The following LTN1 variants were observed in gnomAD, a reference collection of about 807,000 sequenced individuals.
LTN1 encodes the protein E3 ubiquitin-protein ligase listerin.
LTN1 carries 88 observed loss-of-function variants against 201.2 expected under a neutral mutation model. The observed-to-expected ratio is 0.44, with a 90% CI of 0.37 to 0.52. LTN1 has a LOEUF of 0.52. LTN1 is among the 20% of genes least tolerant of loss of function. The pLI is 0.00. For synonymous variants in LTN1, 645 were observed against 713.5 expected (o/e 0.90, Z 1.53); for missense variants, 1,752 against 2,038.7 (o/e 0.86, Z 2.71).
intron 5 of LTN1, among the ~76,000 whole-genome samples, chr21:28,981,695 C>T (rs1018117156): frequency 6.6e-6 from 1 of 152,152 alleles, no homozygotes; most frequent in Admixed American, 6.5e-5. Flanking sequence ...TATTTATATT[C>T]TTCAACTATG....
At chr21:28,954,820 G>A (rs1399597043) in intron 16 of LTN1, among the ~76,000 whole-genome samples, 2 of 152,100 alleles carry the variant, frequency 1.3e-5, no homozygotes, top group African/African-American at 4.8e-5. Flanking sequence ...CCTAAGAACT[G>A]AAACTATATA....
In LTN1 at chr21:28,986,659, A is replaced by G; in HGVS notation, c.246+72T>C. The G allele has an allele frequency of 8.4e-7, 1 of 1,192,108 alleles. No individual in the cohort carries two copies. The highest frequency in any genetic ancestry group is 1.2e-6 in the Non-Finnish European group (1 of 818,428). The allele number at this position is 1,192,108 out of a possible 1,614,324, so 73.8% of individuals were successfully genotyped here. Reference sequence around the variant, plus strand: ...TAAATTGTTCATTTTTCTTTACATAAAACATGCTAATGACATTTTATTTTA... The same window carrying G: ...TAAATTGTTCATTTTTCTTTACATAGAACATGCTAATGACATTTTATTTTA... On this transcript the variant is annotated intron_variant, in intron 2 of 29. Transcript: ENST00000361371. The surrounding 1 kb of genome is among the most constrained non-coding windows in gnomAD (Gnocchi z 4.1).
intron 11 of LTN1, 64 bp from the exon 12 acceptor site, chr21:28,960,770 T>G: frequency 9.0e-7 from 1 of 1,110,538 alleles, no homozygotes; most frequent in African/African-American, 1.6e-5. Context: ...GTCCAAAATA[T>G]TACTTGTACC....
At chr21:28,977,494 G>A (rs1420332531) in intron 6 of LTN1, among the ~76,000 whole-genome samples, 7 of 150,412 alleles carry the variant, frequency 4.7e-5, no homozygotes, top group Admixed American at 2.6e-4. Context: ...AGGCTGAGGC[G>A]GGCAGATCAC....
rs2084424140 is a variant in LTN1 at position 28,956,162 on chromosome 21, T to TCTCTC, written c.3079+599_3079+600insGAGAG. On this transcript the variant is annotated intron_variant, in intron 16 of 29. Transcript: ENST00000361371. Reference sequence around the variant, plus strand: ...GGATGAAGAGAGGTCGGTGAATGGGTACCAAAATACAGTGAGAGAGAAGAT... The same window carrying TCTCTC: ...GGATGAAGAGAGGTCGGTGAATGGGTCTCTCACCAAAATACAGTGAGAGAGAAGAT... 4.6e-5 allele frequency among the ~76,000 whole-genome samples: 7 copies of TCTCTC among 152,022 alleles called. No individual in the cohort carries two copies. The South Asian group carries it at 1.5e-3, about 32-fold the overall frequency.
At chr21:28,935,982 G>A (rs988589878) in intron 26 of LTN1, among the ~76,000 whole-genome samples, 1 of 152,142 alleles carries the variant, frequency 6.6e-6, no homozygotes, top group African/African-American at 2.4e-5. Context: ...GATGCTTGCT[G>A]TTATAAATTA....
At chr21:28,938,586 G>A (rs2084274286) in intron 25 of LTN1, among the ~76,000 whole-genome samples, 1 of 151,966 alleles carries the variant, frequency 6.6e-6, no homozygotes, top group Non-Finnish European at 1.5e-5. Flanking sequence ...CAACACAAGT[G>A]AAAACATATT....
chr21:28,947,334 C>A (rs1387452787), intron 19 of LTN1, 130 bp downstream of exon 19: 1 of 703,294 alleles, frequency 1.4e-6, no homozygotes, highest in Non-Finnish European at 2.2e-6. Context: ...CAACACTCAT[C>A]CATATAATCT....
At chr21:28,978,491 ATGAAG>A (rs1322695786) in intron 6 of LTN1, among the ~76,000 whole-genome samples, 1 of 152,260 alleles carries the variant, frequency 6.6e-6, no homozygotes, top group Non-Finnish European at 1.5e-5. Context: ...TAGATTATTG[ATGAAG>A]TGAAGATTTT....
intron 7 of LTN1, 144 bp from the exon 8 acceptor site, chr21:28,970,886 T>TA: frequency 3.8e-6 from 2 of 532,070 alleles, no homozygotes; most frequent in Non-Finnish European, 6.4e-6. Context: ...CATTAAAAAC[T>TA]AAAACTGAAA....
chr21:28,929,288 G>C lies in LTN1; in HGVS notation c.*1160C>G, dbSNP rs1181736241. ...GGTCTCTCAAGTAACCTAGATATTAGATATGCTATTTCCATGTAATGGAAG... is the reference window on the plus strand; with the variant it reads ...GGTCTCTCAAGTAACCTAGATATTACATATGCTATTTCCATGTAATGGAAG... On this transcript the variant is annotated 3_prime_UTR_variant, in exon 30 of 30. Transcript: ENST00000361371. 1 of 152,532 alleles carries C rather than the reference G, an allele frequency of 6.6e-6. No homozygotes were observed. Among genetic ancestry groups the C allele is most frequent in the African/African-American group, 2.4e-5 (1 of 41,430 alleles). The allele number at this position is 152,532 out of a possible 1,614,324, so 9.4% of individuals were successfully genotyped here. A position where few individuals can be genotyped will look rare whatever the true frequency, so the allele number is the denominator to read the frequency against.
Position 28,992,819 on chromosome 21 carries a change from G to A in LTN1, c.-14C>T, listed in dbSNP as rs765293080. The A allele has an allele frequency of 1.9e-6, 3 of 1,614,194 alleles. No homozygotes were observed. In the South Asian group the frequency reaches 3.3e-5, roughly 18 times the overall value. ...CTTCCCGCCCATGGTCGCGGTTGCA[G>A]CTGTACTCTGAGCACTCAGACCCCG... is the stretch of plus-strand genomic sequence containing the variant. On this transcript the variant is annotated 5_prime_UTR_variant, in exon 1 of 30. Transcript: ENST00000361371.
At chr21:28,972,738 G>C (rs1168757392) in intron 6 of LTN1, among the ~76,000 whole-genome samples, 1 of 152,110 alleles carries the variant, frequency 6.6e-6, no homozygotes, top group African/African-American at 2.4e-5. Context: ...AGAAGAATGA[G>C]GAAGGAAATA....
At position 28,936,594 on chromosome 21, in the gene LTN1, G is replaced by A. The variant is rs374595144; in HGVS notation, c.4586C>T (p.Thr1529Ile). 6.2e-7 allele frequency: 1 copy of A among 1,613,932 alleles called. No homozygotes were observed. ...GTCCTTATTTGGGACCTCAACTGCT[G>A]TCTCTGCATAGGTTGGATTTTCTGG... ...LMPENPTYAE[T>I]AVEVPNKDPK... The change falls in exon 26 of 30, where the codon ACA becomes ATA. Residue 1529 changes from threonine (T) to isoleucine (I), a missense_variant. Physicochemically the swap from Thr to Ile is moderately conservative, Grantham distance 89 (BLOSUM62 -1). Around this residue, in one of 3 missense-constraint regions of LTN1, gnomAD observed 261 missense variants for 350.1 expected, o/e 0.75. Coordinates refer to ENST00000361371, the MANE Select transcript of LTN1 (RefSeq NM_015565.3).
intron 4 of LTN1, among the ~76,000 whole-genome samples, chr21:28,984,445 A>G (rs2084681689): frequency 6.6e-6 from 1 of 152,144 alleles, no homozygotes; most frequent in African/African-American, 2.4e-5. Flanking sequence ...TTTTAAAAAT[A>G]TAATAAAGAC....
chr21:28,939,772 ATTT>A (rs754147328), intron 25 of LTN1, among the ~76,000 whole-genome samples: 1 of 152,210 alleles, frequency 6.6e-6, no homozygotes, highest in Non-Finnish European at 1.5e-5. Flanking sequence ...ATCTGCTGCT[ATTT>A]TTTAAAGATC....
At position 28,970,622 on chromosome 21, in the gene LTN1, T is replaced by C. The variant is rs1288110273; in HGVS notation, c.1105A>G (p.Lys369Glu). The change falls in exon 8 of 30, where the codon AAG becomes GAG. Residue 369 changes from lysine (K) to glutamate (E), a missense_variant. This residue lies in a region of LTN1 where 1,211 missense variants were observed against 1,312.8 expected (regional missense o/e 0.92). Coordinates refer to ENST00000361371, the MANE Select transcript of LTN1 (RefSeq NM_015565.3). Reference protein sequence around the residue: ...IYPYLLPFISKLPQSITNPKL... With the variant: ...IYPYLLPFISELPQSITNPKL... ...GGATTTGTGATGGACTGAGGGAGCT[T>C]GCTGATGAATGGCAGAAGGTAAGGA... 1 of 1,613,992 alleles carries C rather than the reference T, an allele frequency of 6.2e-7. No individual in the cohort carries two copies.
intron 18 of LTN1, among the ~76,000 whole-genome samples, chr21:28,951,048 AAC>A (rs2084378416): frequency 1.3e-5 from 2 of 151,558 alleles, no homozygotes; most frequent in African/African-American, 4.9e-5. Flanking sequence ...AACATACACA[AAC>A]ATGTGCATGT....
At chr21:28,987,268 T>A (rs2084705578) in intron 1 of LTN1, among the ~76,000 whole-genome samples, 1 of 152,166 alleles carries the variant, frequency 6.6e-6, no homozygotes. Flanking sequence ...TCAGAATGTA[T>A]CACATGCAGG....
Sources: gnomAD v4.1 joint callset for allele counts (sites outside exome capture counted in the v4.1 genomes callset) on GRCh38, gnomAD v4.1.1 for gene constraint, gnomAD v4.1.1 regional missense constraint, Gnocchi (gnomAD v3.1) non-coding constraint, MANE v1.5 for transcripts, NCBI Gene and HGNC (gene_info 2026-07-23, HGNC 2026-07-21) for gene names.